SENP8: variants seen among roughly 807,000 people sequenced by gnomAD.
SENP8 encodes SUMO peptidase family member, NEDD8 specific.
A neutral mutation model predicts 14.4 loss-of-function variants in SENP8; 10 were observed. The observed-to-expected ratio is 0.69, with a 90% CI of 0.43 to 1.18. The LOEUF is 1.18. Among genes scored for constraint, SENP8 ranks in the 50% most tolerant of loss-of-function variants. The pLI, the probability that SENP8 is intolerant of heterozygous loss-of-function variation, is 0.00. For missense variants in SENP8, 202 were observed against 249.4 expected, an observed-to-expected ratio of 0.81 and a Z score of 1.28; for synonymous variants, 94 against 95.5, an observed-to-expected ratio of 0.98 and a Z score of 0.09.
chr15:72,122,483 A>C (rs948475167), intron 1 of SENP8, among the ~76,000 whole-genome samples: 1 of 152,252 alleles, frequency 6.6e-6, no homozygotes, highest in Non-Finnish European at 1.5e-5. Flanking sequence ...GCTAGTACCC[A>C]AAGTATGTAC....
intron 1 of SENP8, among the ~76,000 whole-genome samples, chr15:72,125,838 T>A (rs1401767568): frequency 6.6e-6 from 1 of 152,008 alleles, no homozygotes; most frequent in Non-Finnish European, 1.5e-5. Flanking sequence ...TTATTTATTT[T>A]TTTGAGATGG....
intron 1 of SENP8, among the ~76,000 whole-genome samples, chr15:72,129,384 G>C (rs2140507524): frequency 6.6e-6 from 1 of 150,872 alleles, no homozygotes; most frequent in African/African-American, 2.4e-5. Context: ...TTTTTTTTGA[G>C]ACAGTTTCGC....
At chr15:72,128,590 A>G (rs1258126386) in intron 1 of SENP8, among the ~76,000 whole-genome samples, 1 of 152,254 alleles carries the variant, frequency 6.6e-6, no homozygotes, top group Non-Finnish European at 1.5e-5. Context: ...GTTTATGTTA[A>G]TAATTAAAAT....
chr15:72,139,789 C>T lies in SENP8; in HGVS notation c.166C>T (p.Pro56Ser), dbSNP rs779132519. Residue 56 changes from proline (P) to serine (S), a missense_variant, in exon 2 of 2, where the codon CCT becomes TCT. Transcript: ENST00000340912. ...CTCTGATCACGTCAGTTTCATCAGC[C>T]CTGAAGTCACCCAGTTCATCAAGTG... ...DCSDHVSFISPEVTQFIKCTS... is the reference protein window; with the variant it reads ...DCSDHVSFISSEVTQFIKCTS... 5.6e-6 allele frequency: 9 copies of T among 1,614,136 alleles called. No individual in the cohort carries two copies. The highest frequency in any genetic ancestry group is 1.7e-5 in the Admixed American group (1 of 60,008).
intron 1 of SENP8, among the ~76,000 whole-genome samples, chr15:72,130,901 C>T (rs149651720): frequency 2.0e-5 from 3 of 152,210 alleles, no homozygotes; most frequent in African/African-American, 7.2e-5. Context: ...TAAAAATTGG[C>T]AGAGATGACA....
At chr15:72,133,572 A>G (rs2140515762) in intron 1 of SENP8, among the ~76,000 whole-genome samples, 1 of 152,342 alleles carries the variant, frequency 6.6e-6, no homozygotes, top group East Asian at 1.9e-4. Context: ...CCTGTTAGCC[A>G]GGAATGATTA....
chr15:72,139,763 G>A lies in SENP8; in HGVS notation c.140G>A (p.Cys47Tyr), dbSNP rs1395530779. The change falls in exon 2 of 2, where the codon TGC (cysteine) becomes TAC (tyrosine). Residue 47 changes from cysteine to tyrosine, a missense_variant. Physicochemically the swap from Cys to Tyr is radical, Grantham distance 194 (BLOSUM62 -2). Coordinates refer to ENST00000340912, the MANE Select transcript of SENP8 (RefSeq NM_145204.4). Reference sequence around the variant, plus strand: ...TTTGCCAACAGTCAGTTTCATGACTGCTCTGATCACGTCAGTTTCATCAGC... The same window carrying A: ...TTTGCCAACAGTCAGTTTCATGACTACTCTGATCACGTCAGTTTCATCAGC... ...EYFANSQFHD[C>Y]SDHVSFISPE... The A allele has an allele frequency of 2.5e-6, 4 of 1,614,022 alleles. No individual in the cohort carries two copies. Among genetic ancestry groups the A allele is most frequent in the Non-Finnish European group, 3.4e-6 (4 of 1,180,044 alleles).
At chr15:72,119,621 G>A (rs959231171) in intron 1 of SENP8, among the ~76,000 whole-genome samples, 2 of 152,258 alleles carry the variant, frequency 1.3e-5, no homozygotes, top group Admixed American at 6.5e-5. Context: ...GGTAGCAGGC[G>A]CCTGTAGTCC....
chr15:72,132,812 T>C (rs2140514271), intron 1 of SENP8, among the ~76,000 whole-genome samples: 1 of 152,190 alleles, frequency 6.6e-6, no homozygotes, highest in African/African-American at 2.4e-5. Flanking sequence ...CAATATCTAT[T>C]CCTCCACATT....
chr15:72,137,423 A>T (rs1453758570), intron 1 of SENP8, among the ~76,000 whole-genome samples: 1 of 152,142 alleles, frequency 6.6e-6, no homozygotes, highest in Non-Finnish European at 1.5e-5. Flanking sequence ...CTTTTAAAAG[A>T]AGTCAAAAGA....
intron 1 of SENP8, chr15:72,139,306 A>T (rs1269010291): frequency 7.8e-6 from 2 of 256,334 alleles, no homozygotes; most frequent in African/African-American, 4.5e-5. Flanking sequence ...TTTACTATTC[A>T]TTAAGTGGAA....
At chr15:72,139,215 T>G (rs1440784695) in intron 1 of SENP8, 1 of 160,098 alleles carries the variant, frequency 6.2e-6, no homozygotes, top group Non-Finnish European at 1.4e-5. Context: ...TTAACACATG[T>G]TTTTTAATGT....
At position 72,124,021 on chromosome 15, in the gene SENP8, G is replaced by A. The variant is rs867345272; in HGVS notation, c.-48+5557G>A. On this transcript the variant is annotated intron_variant, in intron 1 of 1. Transcript: ENST00000340912. ...TCCTTGGCCCCAGACAGAATAAAGT[G>A]GAATTTATAGCAGTAGAGTTACCAA... Among the ~76,000 whole-genome samples the A allele has an allele frequency of 1.2e-4, 19 of 152,320 alleles. No individual in the cohort carries two copies. In the Middle Eastern group the frequency reaches 0.017, roughly 136 times the overall value.
chr15:72,119,978 C>G (rs148437969), intron 1 of SENP8, among the ~76,000 whole-genome samples: 175 of 152,278 alleles, frequency 1.1e-3, no homozygotes, highest in African/African-American at 3.6e-3. Flanking sequence ...CAGCTGTTGT[C>G]TCCAGCCTTA....
At position 72,140,206 on chromosome 15, in the gene SENP8, A is replaced by C. The variant is rs775513570; in HGVS notation, c.583A>C (p.Ile195Leu). ...SLLQLLTPAY[I>L]TKKRGEWKDL... ...GCTGCAGCTACTCACCCCTGCATAC[A>C]TCACAAAGAAGAGGGGAGAATGGAA... Residue 195 changes from isoleucine to leucine, a missense_variant, in exon 2 of 2, where the codon ATC (isoleucine) becomes CTC (leucine). Physicochemically the swap from Ile to Leu is conservative, Grantham distance 5 (BLOSUM62 2). Coordinates refer to ENST00000340912, the MANE Select transcript of SENP8 (RefSeq NM_145204.4). The C allele has an allele frequency of 1.9e-6, 3 of 1,614,118 alleles. No homozygotes were observed. The highest frequency in any genetic ancestry group is 1.1e-5 in the South Asian group (1 of 91,066).
upstream of SENP8, chr15:72,117,914 C>T (rs2081061322): frequency 7.5e-6 from 3 of 398,506 alleles, no homozygotes; most frequent in Admixed American, 4.4e-5. Context: ...CCCCGCCGCA[C>T]CCCGCCCAGA....
intron 1 of SENP8, among the ~76,000 whole-genome samples, chr15:72,125,694 C>T (rs76878179): frequency 0.044 from 6,746 of 151,932 alleles, 268 homozygotes; most frequent in East Asian, 0.18. Context: ...AAAGATCATA[C>T]GAAAAAAAGT....
chr15:72,126,002 C>T (rs1244736047), intron 1 of SENP8, among the ~76,000 whole-genome samples: 1 of 151,842 alleles, frequency 6.6e-6, no homozygotes, highest in East Asian at 1.9e-4. Flanking sequence ...TTTGTATTTT[C>T]AGTAGAGATG....
chr15:72,118,731 A>G (rs2081102993), intron 1 of SENP8, among the ~76,000 whole-genome samples: 1 of 152,120 alleles, frequency 6.6e-6, no homozygotes, highest in African/African-American at 2.4e-5. Flanking sequence ...TCAGAGGCGA[A>G]TTAAGTGGTG....
Sources: allele counts gnomAD v4.1 joint callset (sites outside exome capture counted in the v4.1 genomes callset), GRCh38; gene constraint gnomAD v4.1.1; transcripts MANE v1.5; gene names NCBI Gene and HGNC (gene_info 2026-07-23, HGNC 2026-07-21).